TAFA1: variants seen among roughly 807,000 people sequenced by gnomAD.
The protein encoded by TAFA1 is chemokine-like protein TAFA-1.
Under a neutral mutation model 18.5 loss-of-function variants are expected in TAFA1, and 4 were observed. The ratio of observed to expected loss-of-function variants is 0.22; its 90% confidence interval spans 0.11 to 0.49. The LOEUF is 0.49. TAFA1 is among the 20% of genes least tolerant of loss of function. The pLI, the probability that TAFA1 is intolerant of heterozygous loss-of-function variation, is 0.98. For missense variants in TAFA1, 147 were observed against 169.0 expected (o/e 0.87, Z 0.72); for synonymous variants, 56 against 55.2 (o/e 1.01, Z -0.06).
chr3:68,208,334 A>G (rs2107059805), intron 2 of TAFA1, among the ~76,000 whole-genome samples: 1 of 152,086 alleles, frequency 6.6e-6, no homozygotes, highest in South Asian at 2.1e-4. Context: ...CTTTCAGCTA[A>G]GTAGTTACAG....
rs1047592791 is a variant in TAFA1 at position 68,080,490 on chromosome 3, C to A, written c.118+73746C>A. 5.9e-5 allele frequency among the ~76,000 whole-genome samples: 9 copies of A among 151,932 alleles called. No homozygotes were observed. The South Asian group carries it at 1.2e-3, about 21-fold the overall frequency. ...CCATGTTTAGCGCTTCCTTCAGGAGCTCTTTTAGGGCAGGCCTGGTGGTGA... is the reference window on the plus strand; with the variant it reads ...CCATGTTTAGCGCTTCCTTCAGGAGATCTTTTAGGGCAGGCCTGGTGGTGA... On this transcript the variant is annotated intron_variant, in intron 2 of 4. Coordinates refer to ENST00000478136, the MANE Select transcript of TAFA1 (RefSeq NM_213609.4).
At chr3:68,375,635 C>T (rs2069795494) in intron 2 of TAFA1, among the ~76,000 whole-genome samples, 1 of 152,148 alleles carries the variant, frequency 6.6e-6, no homozygotes, top group Non-Finnish European at 1.5e-5. Context: ...CAATTCAATT[C>T]ATTAAAACAG....
chr3:68,401,747 T>C (rs1206622718), intron 2 of TAFA1, among the ~76,000 whole-genome samples: 1 of 152,216 alleles, frequency 6.6e-6, no homozygotes, highest in Non-Finnish European at 1.5e-5. Flanking sequence ...TGTCATTATC[T>C]TCATTACCAG....
intron 3 of TAFA1, among the ~76,000 whole-genome samples, chr3:68,466,523 C>T (rs1207314083): frequency 6.6e-6 from 1 of 152,076 alleles, no homozygotes; most frequent in Non-Finnish European, 1.5e-5. Flanking sequence ...CCTGCCAAAG[C>T]CCATACCCCT....
chr3:68,241,874 G>A (rs1006437545), intron 2 of TAFA1, among the ~76,000 whole-genome samples: 5 of 152,188 alleles, frequency 3.3e-5, no homozygotes, highest in African/African-American at 9.7e-5. Context: ...AACAGAAAGC[G>A]CAGGGTGTGA....
intron 2 of TAFA1, among the ~76,000 whole-genome samples, chr3:68,405,034 A>G (rs1290317602): frequency 6.6e-6 from 1 of 152,134 alleles, no homozygotes; most frequent in Non-Finnish European, 1.5e-5. Context: ...TTCTTCATTT[A>G]GCTGGAGAAA....
chr3:68,493,706 A>C (rs1332935619), intron 3 of TAFA1, among the ~76,000 whole-genome samples: 3 of 152,252 alleles, frequency 2.0e-5, no homozygotes, highest in African/African-American at 7.2e-5. Context: ...TTTTTTAAAC[A>C]AATAGCTTAG....
intron 2 of TAFA1, among the ~76,000 whole-genome samples, chr3:68,263,609 G>A (rs1009202572): frequency 1.5e-4 from 23 of 151,154 alleles, no homozygotes; most frequent in African/African-American, 4.8e-4. Flanking sequence ...ATGAAGCTGA[G>A]AGAGGCTGGG....
rs1444397600 is a variant in TAFA1 at position 68,287,891 on chromosome 3, T to C, written c.119-129389T>C. On this transcript the variant is annotated intron_variant, in intron 2 of 4. Coordinates refer to ENST00000478136, the MANE Select transcript of TAFA1 (RefSeq NM_213609.4). ...CTTACTTCTCAGGTCTGGAGGATTT[T>C]GCTTTTTGTTTTTGTTGGGGGGTGG... Among the ~76,000 whole-genome samples, 6 of 138,910 alleles carry C rather than the reference T, an allele frequency of 4.3e-5. No individual in the cohort carries two copies. The East Asian group carries it at 1.5e-3, about 35-fold the overall frequency. The allele number at this position is 138,910 out of a possible 152,430, so 91.1% of individuals were successfully genotyped here.
At chr3:68,041,321 T>A (rs1450988754) in intron 2 of TAFA1, among the ~76,000 whole-genome samples, 1 of 152,232 alleles carries the variant, frequency 6.6e-6, no homozygotes, top group African/African-American at 2.4e-5. Flanking sequence ...GTTACCAAAA[T>A]TCAGTTTTTG....
intron 3 of TAFA1, among the ~76,000 whole-genome samples, chr3:68,533,858 T>C (rs1170726661): frequency 1.3e-5 from 2 of 152,168 alleles, no homozygotes; most frequent in Non-Finnish European, 2.9e-5. Flanking sequence ...CCCTTTGGCA[T>C]AGTGAGTTTG....
At chr3:68,087,300 A>G (rs2106789366) in intron 2 of TAFA1, among the ~76,000 whole-genome samples, 1 of 152,310 alleles carries the variant, frequency 6.6e-6, no homozygotes, top group East Asian at 1.9e-4. Context: ...GTGAAAGAAG[A>G]TAATTACTAT....
At chr3:68,203,721 T>C (rs1371144823) in intron 2 of TAFA1, among the ~76,000 whole-genome samples, 1 of 151,726 alleles carries the variant, frequency 6.6e-6, no homozygotes, top group Admixed American at 6.6e-5. Context: ...TGAAGTTGGG[T>C]ACTGTCCTTT....
chr3:68,500,804 G>C (rs2072644066), intron 3 of TAFA1, among the ~76,000 whole-genome samples: 1 of 151,950 alleles, frequency 6.6e-6, no homozygotes, highest in Admixed American at 6.6e-5. Flanking sequence ...CCCCACTTCA[G>C]AAGTTCATGA....
intron 3 of TAFA1, among the ~76,000 whole-genome samples, chr3:68,445,897 T>C (rs1253299991): frequency 1.3e-5 from 2 of 152,100 alleles, no homozygotes; most frequent in African/African-American, 4.8e-5. Flanking sequence ...TGTTGTTTGT[T>C]TGTTATTTTG....
chr3:68,030,030 T>G (rs936896464), intron 2 of TAFA1, among the ~76,000 whole-genome samples: 2 of 152,176 alleles, frequency 1.3e-5, no homozygotes, highest in African/African-American at 4.8e-5. Context: ...TTCTGTCAAG[T>G]GTAAGCTGAA....
At chr3:68,005,310 A>T (rs1559698559) in intron 1 of TAFA1, among the ~76,000 whole-genome samples, 1 of 152,224 alleles carries the variant, frequency 6.6e-6, no homozygotes, top group Non-Finnish European at 1.5e-5. Flanking sequence ...TTAGAAAGTG[A>T]ATGCTCCATC....
chr3:68,304,886 G>A (rs1446547318), intron 2 of TAFA1, among the ~76,000 whole-genome samples: 4 of 152,036 alleles, frequency 2.6e-5, no homozygotes, highest in Non-Finnish European at 5.9e-5. Flanking sequence ...AGTGGGCCAG[G>A]CAAAAGGTCA....
At chr3:68,134,864 A>C (rs2065588023) in intron 2 of TAFA1, among the ~76,000 whole-genome samples, 1 of 152,214 alleles carries the variant, frequency 6.6e-6, no homozygotes, top group Non-Finnish European at 1.5e-5. Context: ...GTTTCTGTTG[A>C]AACTAGTTTT....
Sources: gnomAD v4.1 joint callset for allele counts (sites outside exome capture counted in the v4.1 genomes callset) on GRCh38, gnomAD v4.1.1 for gene constraint, MANE v1.5 for transcripts, NCBI Gene and HGNC (gene_info 2026-07-23, HGNC 2026-07-21) for gene names.